Variants in RALGAPA1 observed in about 807,000 individuals in gnomAD.
RALGAPA1 encodes Ral GTPase activating protein catalytic subunit alpha 1, also known as ral GTPase-activating protein subunit alpha-1.
RALGAPA1 carries 52 observed loss-of-function variants against 269.6 expected under a neutral mutation model. The ratio of observed to expected loss-of-function variants is 0.19; its 90% CI spans 0.15 to 0.24. The LOEUF is 0.24. Among genes scored for constraint, RALGAPA1 ranks in the 10% least tolerant of loss-of-function variants. The probability of loss-of-function intolerance (pLI) is 1.00; values close to 1 mark genes in which losing one functional copy is unlikely to be tolerated. For missense variants in RALGAPA1, 1,917 were observed against 3,013.9 expected, an observed-to-expected ratio of 0.64 and a Z score of 8.52; for synonymous variants, 817 against 1,008.3, an observed-to-expected ratio of 0.81 and a Z score of 3.60.
chr14:35,592,420 A>G (rs2058691992), intron 37 of RALGAPA1, among the ~76,000 whole-genome samples: 2 of 152,234 alleles, frequency 1.3e-5, no homozygotes, highest in Admixed American at 1.3e-4. Context: ...GCTGAATTCT[A>G]CCAAACATTC....
At chr14:35,747,234 G>A (rs1400165954) in intron 10 of RALGAPA1, among the ~76,000 whole-genome samples, 2 of 152,186 alleles carry the variant, frequency 1.3e-5, no homozygotes, top group Non-Finnish European at 1.5e-5. Flanking sequence ...TGCTTCAGAG[G>A]TTAAAAGGAT....
In RALGAPA1 at chr14:35,652,949, T is replaced by C. The variant is rs183104071; in HGVS notation, c.5608-1076A>G. Reference sequence around the variant, plus strand: ...CTGTATTGTATGCTATTACATTTTTTAGAAATTATTGCCTCAATGTAGTAA... The same window carrying C: ...CTGTATTGTATGCTATTACATTTTTCAGAAATTATTGCCTCAATGTAGTAA... On this transcript the variant is annotated intron_variant, in intron 30 of 41. Transcript: ENST00000680220. Among the ~76,000 whole-genome samples the C allele has an allele frequency of 1.1e-3, 167 of 152,338 alleles. 1 individual carries two copies. The highest frequency in any genetic ancestry group is 4.0e-3 in the African/African-American group (166 of 41,592).
At chr14:35,690,494 T>A (rs932094634) in intron 17 of RALGAPA1, among the ~76,000 whole-genome samples, 1 of 152,232 alleles carries the variant, frequency 6.6e-6, no homozygotes, top group Non-Finnish European at 1.5e-5. Flanking sequence ...CTTCTCTGTT[T>A]GATTACATAT....
intron 27 of RALGAPA1, among the ~76,000 whole-genome samples, chr14:35,664,408 C>T (rs1308488373): frequency 6.6e-6 from 1 of 152,144 alleles, no homozygotes. Context: ...TGAATCCTAA[C>T]AGGTAGACAT....
intron 33 of RALGAPA1, among the ~76,000 whole-genome samples, chr14:35,629,396 T>A (rs1426053784): frequency 6.6e-6 from 1 of 151,924 alleles, no homozygotes; most frequent in Non-Finnish European, 1.5e-5. Flanking sequence ...AGTAACAGAG[T>A]GATCTTGTCT....
chr14:35,782,496 C>T (rs769165794), intron 1 of RALGAPA1, among the ~76,000 whole-genome samples: 13 of 152,070 alleles, frequency 8.5e-5, no homozygotes, highest in East Asian at 1.9e-4. Context: ...GGCTCAATCT[C>T]GATCTCGGCT....
At chr14:35,567,095 T>C (rs559201321) in intron 39 of RALGAPA1, among the ~76,000 whole-genome samples, 2 of 152,008 alleles carry the variant, frequency 1.3e-5, no homozygotes, top group East Asian at 3.9e-4. Flanking sequence ...CTACCTGATT[T>C]AATGTATTTA....
intron 4 of RALGAPA1, chr14:35,766,093 C>A (rs1002656054): frequency 1.8e-6 from 2 of 1,130,496 alleles, no homozygotes; most frequent in Non-Finnish European, 2.7e-6. Flanking sequence ...ACATGCTATG[C>A]GGCTTTAGGA....
chr14:35,734,502 T>C (rs1363900302), intron 12 of RALGAPA1, among the ~76,000 whole-genome samples: 2 of 152,186 alleles, frequency 1.3e-5, no homozygotes, highest in African/African-American at 4.8e-5. Context: ...GTTAGCCACA[T>C]GTAGCAGAAC....
chr14:35,687,369 CAATGAAAGGAA>C, intron 18 of RALGAPA1, among the ~76,000 whole-genome samples: 1 of 152,010 alleles, frequency 6.6e-6, no homozygotes, highest in Non-Finnish European at 1.5e-5. Context: ...GATTTCTCTG[CAATGAAAGGAA>C]AATGAGCACT....
At chr14:35,780,993 T>C (rs1298994939) in intron 1 of RALGAPA1, among the ~76,000 whole-genome samples, 4 of 151,736 alleles carry the variant, frequency 2.6e-5, no homozygotes, top group Admixed American at 2.0e-4. Flanking sequence ...AAACTAATCC[T>C]AAAGCACAAA....
chr14:35,756,728 G>A, intron 7 of RALGAPA1, 65 bp downstream of exon 7: 2 of 1,136,562 alleles, frequency 1.8e-6, no homozygotes, highest in African/African-American at 1.6e-5. Flanking sequence ...AATGGTAAGA[G>A]ACAGAAAAGG....
intron 33 of RALGAPA1, among the ~76,000 whole-genome samples, chr14:35,629,279 G>A (rs928061305): frequency 2.8e-5 from 2 of 71,784 alleles, no homozygotes; most frequent in African/African-American, 8.1e-5. Context: ...AGGATGTTTA[G>A]GGGGTGTGTG....
At chr14:35,554,964 C>A (rs914408938) in intron 39 of RALGAPA1, among the ~76,000 whole-genome samples, 2 of 152,130 alleles carry the variant, frequency 1.3e-5, no homozygotes, top group Admixed American at 6.5e-5. Context: ...ATGCTGACAG[C>A]CCCTTTCCTC....
At chr14:35,635,630 C>T (rs1447437952) in intron 31 of RALGAPA1, 32 bp from the exon 32 acceptor site, 2 of 1,495,604 alleles carry the variant, frequency 1.3e-6, no homozygotes, top group Non-Finnish European at 1.8e-6. Flanking sequence ...TATAATTGTA[C>T]ATTCATAAAA....
chr14:35,796,741 GA>G (rs35192537), intron 1 of RALGAPA1, among the ~76,000 whole-genome samples: 1 of 145,534 alleles, frequency 6.9e-6, no homozygotes, highest in African/African-American at 2.5e-5. Context: ...AAGAACAAAG[GA>G]AAAAAAAAGC....
At chr14:35,773,804 T>TA (rs1007982737) in intron 3 of RALGAPA1, among the ~76,000 whole-genome samples, 79 of 151,988 alleles carry the variant, frequency 5.2e-4, no homozygotes, top group Non-Finnish European at 1.0e-3. Context: ...TTGGAACTCT[T>TA]AAAAAAAATT....
Position 35,637,808 on chromosome 14 carries a change from T to A in RALGAPA1, c.5677-2210A>T, listed in dbSNP as rs528534473. Among the ~76,000 whole-genome samples, 3 of 152,138 alleles carry A rather than the reference T, an allele frequency of 2.0e-5. No individual in the cohort carries two copies. The Middle Eastern group carries it at 0.01, about 517-fold the overall frequency. On this transcript the variant is annotated intron_variant, in intron 31 of 41. Coordinates refer to ENST00000680220, the MANE Select transcript of RALGAPA1 (RefSeq NM_001346249.2). ...TCAAAGGTCAAGGATAAAAGGATTA[T>A]AAAAGCAGCAAGATAAAAGAAACAA...
Position 35,542,746 on chromosome 14 carries a change from A to C in RALGAPA1, c.*24-3056T>G, listed in dbSNP as rs78964647. ...CAAGGATGAGGTTTTAAAAGTACAC[A>C]TGAGCTCCTATGTTTGTGCATACCG... On this transcript the variant is annotated intron_variant, in intron 41 of 41. Transcript: ENST00000680220. Among the ~76,000 whole-genome samples the C allele has an allele frequency of 1.7e-3, 254 of 152,316 alleles. 8 individuals are homozygous for C. The East Asian group carries it at 0.031, about 19-fold the overall frequency.
Sources: allele counts gnomAD v4.1 joint callset (sites outside exome capture counted in the v4.1 genomes callset), GRCh38; gene constraint gnomAD v4.1.1; transcripts MANE v1.5; gene names NCBI Gene and HGNC (gene_info 2026-07-23, HGNC 2026-07-21).